Variants in SYNE1 observed in about 807,000 individuals in gnomAD.
SYNE1 encodes the protein nesprin-1.
In SYNE1, 616 loss-of-function variants were observed where a neutral mutation model predicts 1,111.0. The ratio of observed to expected loss-of-function variants is 0.55; its 90% CI spans 0.52 to 0.59. The LOEUF is 0.59. SYNE1 is among the 20% of genes least tolerant of loss of function. The pLI is 0.00. For missense variants in SYNE1, 10,006 were observed against 10,417.0 expected (o/e 0.96, Z 1.72); for synonymous variants, 3,855 against 3,825.8 (o/e 1.01, Z -0.28).
chr6:152,145,565 A>G (rs763633194), intron 137 of SYNE1: 2 of 1,613,496 alleles, frequency 1.2e-6, no homozygotes, highest in African/African-American at 2.7e-5. Flanking sequence ...TCTGCAAAAA[A>G]AGCACAGTCT....
chr6:152,543,791 C>T (rs774670913), intron 3 of SYNE1, among the ~76,000 whole-genome samples: 4 of 152,182 alleles, frequency 2.6e-5, no homozygotes, highest in Non-Finnish European at 5.9e-5. Context: ...TTCAGATACA[C>T]AAAATACTTA....
chr6:152,339,158 T>C, intron 75 of SYNE1, 83 bp downstream of exon 75: 5 of 1,567,904 alleles, frequency 3.2e-6, no homozygotes, highest in Non-Finnish European at 3.5e-6. Context: ...CCAAGAGCTA[T>C]TTTCTTTCAA....
chr6:152,278,420 C>T, intron 97 of SYNE1, 140 bp from the exon 98 acceptor site: 1 of 906,108 alleles, frequency 1.1e-6, no homozygotes, highest in South Asian at 1.3e-5. Context: ...TTCCCACGGC[C>T]TTGACGAGTA....
chr6:152,636,011 G>A (rs2099705310), intron 2 of SYNE1, among the ~76,000 whole-genome samples: 1 of 152,192 alleles, frequency 6.6e-6, no homozygotes, highest in African/African-American at 2.4e-5. Context: ...GGCCGCCTGT[G>A]CACCACCATT....
At position 152,310,811 on chromosome 6, in the gene SYNE1, C is replaced by T; in HGVS notation, c.16773G>A (p.Gln5591=). ...CTGTACAGTACACGCTAGTGAGGTA[C>T]TGTAATTTCTCAGTCATTGCTTCCA... ...SELEAMTEKL[Q]YLTSVYCTEK... Residue 5591 remains glutamine (Q), a synonymous_variant, in exon 88 of 146, where the codon CAG becomes CAA. Transcript: ENST00000367255. 1 of 1,614,110 alleles carries T rather than the reference C, an allele frequency of 6.2e-7. No homozygotes were observed.
At chr6:152,258,231 T>C in intron 101 of SYNE1, among the ~76,000 whole-genome samples, 1 of 152,322 alleles carries the variant, frequency 6.6e-6, no homozygotes, top group East Asian at 1.9e-4. Flanking sequence ...TGAAAAAAGT[T>C]ATTTGACAAT....
intron 14 of SYNE1, among the ~76,000 whole-genome samples, chr6:152,478,953 G>A (rs1211387587): frequency 6.6e-6 from 1 of 152,218 alleles, no homozygotes; most frequent in Non-Finnish European, 1.5e-5. Context: ...ATGTGGATGA[G>A]TGGGGCTTTT....
At chr6:152,185,425 A>G (rs2153221073) in intron 128 of SYNE1, 1 of 152,346 alleles carries the variant, frequency 6.6e-6, no homozygotes, top group Admixed American at 6.5e-5. Context: ...ACATGGGCAC[A>G]AGCTCATTTC....
Position 152,425,540 on chromosome 6 carries a change from T to C in SYNE1, c.5108A>G (p.Gln1703Arg), listed in dbSNP as rs200766001. Residue 1703 changes from glutamine (Q) to arginine (R), a missense_variant, in exon 39 of 146, where the codon CAA becomes CGA. Transcript: ENST00000367255. Reference protein sequence around the residue: ...EGELQLIQALQNEVVSQASFY... With the variant: ...EGELQLIQALRNEVVSQASFY... The stretch of plus-strand genomic sequence containing the variant: ...TGAGGCCTGGGATACAACTTCATTT[T>C]GCAGTGCCTGAAAAATACAAGACAT... 4.3e-6 allele frequency: 7 copies of C among 1,614,056 alleles called. No homozygotes were observed. The highest frequency in any genetic ancestry group is 1.3e-5 in the African/African-American group (1 of 74,946).
Position 152,325,075 on chromosome 6 carries a change from G to A in SYNE1, c.15657+9C>T. 1 of 1,613,510 alleles carries A rather than the reference G, an allele frequency of 6.2e-7. No homozygotes were observed. Among genetic ancestry groups the A allele is most frequent in the East Asian group, 2.2e-5 (1 of 44,890 alleles). On this transcript the variant is annotated intron_variant, in intron 81 of 145. Transcript: ENST00000367255. Reference sequence around the variant, plus strand: ...AAAGAAAGGTGAGCCCATGGACAGTGGAAACTACCTTGTTGTTAAAGCCCG... The same window carrying A: ...AAAGAAAGGTGAGCCCATGGACAGTAGAAACTACCTTGTTGTTAAAGCCCG...
intron 3 of SYNE1, among the ~76,000 whole-genome samples, chr6:152,591,335 G>A (rs570408301): frequency 4.6e-4 from 70 of 152,210 alleles, no homozygotes; most frequent in African/African-American, 1.5e-3. Flanking sequence ...GAACAGAATA[G>A]AAAATTTAGA....
In SYNE1 at chr6:152,274,003, G is replaced by A. The variant is rs931875210; in HGVS notation, c.18573+4086C>T. 3.9e-5 allele frequency among the ~76,000 whole-genome samples: 6 copies of A among 152,304 alleles called. No homozygotes were observed. In the East Asian group the frequency reaches 1.2e-3, roughly 29 times the overall value. ...TATAAATGATTGCTATCCTACCTAG[G>A]AAACTTTCAAGGCTTTCCCTTTATT... On this transcript the variant is annotated intron_variant, in intron 98 of 145. Transcript: ENST00000367255.
intron 72 of SYNE1, among the ~76,000 whole-genome samples, chr6:152,347,768 C>T (rs2154026792): frequency 6.6e-6 from 1 of 151,194 alleles, no homozygotes; most frequent in Admixed American, 6.6e-5. Context: ...GCAACCTCCA[C>T]CTCCCAGGTT....
intron 3 of SYNE1, among the ~76,000 whole-genome samples, chr6:152,588,340 C>T (rs2128486948): frequency 6.6e-6 from 1 of 152,284 alleles, no homozygotes; most frequent in Admixed American, 6.5e-5. Context: ...AAGAAGCTTA[C>T]ACCGTGCTGG....
In SYNE1 at chr6:152,253,813, GTTTGGTTTTTTTTTTTT is replaced by G. The variant is rs2090005676; in HGVS notation, c.19470+1050_19470+1066del. Reference sequence around the variant, plus strand: ...GCTAATGCTACATTTATGTGTAGTGGTTTGGTTTTTTTTTTTTTTTTTTTTTTTTTTTTTTTTTTTTT... The same window carrying G: ...GCTAATGCTACATTTATGTGTAGTGGTTTTTTTTTTTTTTTTTTTTTTTTT... On this transcript the variant is annotated intron_variant, in intron 104 of 145. Transcript: ENST00000367255. 1.2e-4 allele frequency among the ~76,000 whole-genome samples: 4 copies of G among 33,234 alleles called. 1 individual carries two copies. The highest frequency in any genetic ancestry group is 1.9e-3 in the South Asian group (2 of 1,028). The allele number at this position is 33,234 out of a possible 152,430, so 21.8% of individuals were successfully genotyped here.
intron 130 of SYNE1, among the ~76,000 whole-genome samples, chr6:152,175,381 T>C (rs1291603901): frequency 6.6e-6 from 1 of 152,242 alleles, no homozygotes; most frequent in Middle Eastern, 3.2e-3. Flanking sequence ...GCGGTTTTGA[T>C]GAGCACATGG....
intron 65 of SYNE1, 114 bp downstream of exon 65, chr6:152,359,200 GC>G (rs2096890097): frequency 4.2e-6 from 6 of 1,432,734 alleles, no homozygotes; most frequent in Admixed American, 3.5e-5. Context: ...AATTCATTTT[GC>G]TTTTGTTCTG....
intron 107 of SYNE1, among the ~76,000 whole-genome samples, chr6:152,241,365 A>G (rs918175435): frequency 6.6e-6 from 1 of 152,188 alleles, no homozygotes; most frequent in Non-Finnish European, 1.5e-5. Flanking sequence ...AGAGCTACAC[A>G]ATGGTAGAAG....
chr6:152,618,417 A>G (rs1435462918), intron 3 of SYNE1, among the ~76,000 whole-genome samples: 1 of 152,204 alleles, frequency 6.6e-6, no homozygotes, highest in Non-Finnish European at 1.5e-5. Context: ...ATAGGTCCTG[A>G]GAATCTCAAA....
Sources: gnomAD v4.1 joint callset for allele counts (sites outside exome capture counted in the v4.1 genomes callset) on GRCh38, gnomAD v4.1.1 for gene constraint, MANE v1.5 for transcripts, NCBI Gene and HGNC (gene_info 2026-07-23, HGNC 2026-07-21) for gene names.